IQGAP2: variants seen among roughly 807,000 people sequenced by gnomAD.
IQGAP2 encodes ras GTPase-activating-like protein IQGAP2.
IQGAP2 carries 173 observed loss-of-function variants against 201.3 expected under a neutral mutation model. That is an observed-to-expected ratio of 0.86 (90% CI 0.76 to 0.98). The LOEUF (loss-of-function observed/expected upper bound fraction) is 0.98, where lower values mean the gene tolerates loss of function less well. IQGAP2 is among the 50% of genes least tolerant of loss of function. IQGAP2 has a pLI of 0.00. For missense variants in IQGAP2, 1,687 were observed against 1,864.8 expected (o/e 0.90, Z 1.76); for synonymous variants, 675 against 673.9 (o/e 1.00, Z -0.03).
chr5:76,480,908 AAGT>A (rs1372020306), intron 2 of IQGAP2, among the ~76,000 whole-genome samples: 1 of 152,172 alleles, frequency 6.6e-6, no homozygotes, highest in Non-Finnish European at 1.5e-5. Context: ...TCCAAGATCA[AAGT>A]ACTGGTGGGT....
chr5:76,470,972 T>A (rs959217300), intron 2 of IQGAP2, among the ~76,000 whole-genome samples: 1 of 152,212 alleles, frequency 6.6e-6, no homozygotes, highest in African/African-American at 2.4e-5. Flanking sequence ...TCCAAAAGAA[T>A]TAGTACTGCT....
At chr5:76,656,337 G>T (rs1209403682) in intron 20 of IQGAP2, among the ~76,000 whole-genome samples, 1 of 151,700 alleles carries the variant, frequency 6.6e-6, no homozygotes, top group Non-Finnish European at 1.5e-5. Flanking sequence ...GCCCACCACC[G>T]CACCCAGCTA....
chr5:76,429,243 T>C (rs1234553789), intron 1 of IQGAP2, among the ~76,000 whole-genome samples: 2 of 152,088 alleles, frequency 1.3e-5, no homozygotes, highest in Non-Finnish European at 2.9e-5. Context: ...CATTTTTCTT[T>C]TTAGTTTTTA....
At chr5:76,617,852 G>A in intron 13 of IQGAP2, 1 of 1,614,072 alleles carries the variant, frequency 6.2e-7, no homozygotes, top group Non-Finnish European at 8.5e-7. Flanking sequence ...GTGTCCGGAT[G>A]ATGGCTGCAT....
chr5:76,526,079 G>T (rs548373329), intron 2 of IQGAP2, among the ~76,000 whole-genome samples: 1 of 152,206 alleles, frequency 6.6e-6, no homozygotes, highest in East Asian at 1.9e-4. Context: ...AGATCCCCTG[G>T]GTTAGAAGAA....
At chr5:76,683,045 AT>A in intron 28 of IQGAP2, 69 bp from the exon 29 acceptor site, 1 of 901,788 alleles carries the variant, frequency 1.1e-6, no homozygotes, top group Non-Finnish European at 1.7e-6. Context: ...ATTATGAAAA[AT>A]TTCATATAAA....
At chr5:76,612,077 T>C (rs77160763) in intron 13 of IQGAP2, among the ~76,000 whole-genome samples, 2,785 of 152,348 alleles carry the variant, frequency 0.018, 32 homozygotes, top group South Asian at 0.076. Context: ...TACTCATGTG[T>C]ATCATCTCAT....
intron 11 of IQGAP2, among the ~76,000 whole-genome samples, chr5:76,603,184 G>A (rs777121393): frequency 4.6e-5 from 7 of 152,074 alleles, no homozygotes; most frequent in East Asian, 1.9e-4. Flanking sequence ...GTTCCTATGC[G>A]TGGTCCTCTC....
At position 76,558,256 on chromosome 5, in the gene IQGAP2, T is replaced by C. The variant is rs184528535; in HGVS notation, c.147-4140T>C. On this transcript the variant is annotated intron_variant, in intron 2 of 35. Coordinates refer to ENST00000274364, the MANE Select transcript of IQGAP2 (RefSeq NM_006633.5). ...CCCCTTGCTCCCAATTGTCAACTTATCTCCCCCTACTCTTGCTACCAATTG... is the reference window on the plus strand; with the variant it reads ...CCCCTTGCTCCCAATTGTCAACTTACCTCCCCCTACTCTTGCTACCAATTG... Among the ~76,000 whole-genome samples the C allele has an allele frequency of 2.9e-4, 44 of 152,248 alleles. No homozygotes were observed. The East Asian group carries it at 7.3e-3, about 25-fold the overall frequency.
chr5:76,623,479 A>G, intron 13 of IQGAP2: 2 of 500,878 alleles, frequency 4.0e-6, no homozygotes, highest in Non-Finnish European at 7.1e-6. Context: ...CCCTGGAGAA[A>G]GGCATTTAAC....
chr5:76,419,990 C>T (rs1379055054), intron 1 of IQGAP2, among the ~76,000 whole-genome samples: 1 of 152,178 alleles, frequency 6.6e-6, no homozygotes, highest in African/African-American at 2.4e-5. Context: ...GTAAGTTTCT[C>T]GCATTGCCTT....
intron 2 of IQGAP2, among the ~76,000 whole-genome samples, chr5:76,501,706 G>A (rs1263758759): frequency 7.8e-6 from 1 of 127,600 alleles, no homozygotes. Context: ...GTAATGGCAC[G>A]ATCTCGGCTC....
At chr5:76,589,139 G>A (rs550562895) in intron 6 of IQGAP2, among the ~76,000 whole-genome samples, 166 bp downstream of exon 6, 9 of 150,004 alleles carry the variant, frequency 6.0e-5, no homozygotes, top group East Asian at 5.9e-4. Flanking sequence ...GTGAAACCCC[G>A]TCTCTACTAA....
At chr5:76,631,363 C>T (rs410262) in intron 14 of IQGAP2, among the ~76,000 whole-genome samples, 86,812 of 151,960 alleles carry the variant, frequency 0.57, 24,868 homozygotes, top group South Asian at 0.63. Flanking sequence ...TATCCACCAG[C>T]TCTGCCTTTC....
chr5:76,648,355 G>GC (rs1380255076), intron 17 of IQGAP2, among the ~76,000 whole-genome samples: 1 of 152,122 alleles, frequency 6.6e-6, no homozygotes, highest in Non-Finnish European at 1.5e-5. Context: ...ATGAGGCAGT[G>GC]CCCCCACTTT....
chr5:76,683,255 G>C, intron 29 of IQGAP2, 38 bp downstream of exon 29: 1 of 1,432,654 alleles, frequency 7.0e-7, no homozygotes, highest in Non-Finnish European at 9.7e-7. Flanking sequence ...CTTGGTTTTT[G>C]TTTAATTGGG....
intron 1 of IQGAP2, among the ~76,000 whole-genome samples, chr5:76,425,530 G>A (rs1415918527): frequency 1.3e-5 from 2 of 152,134 alleles, no homozygotes; most frequent in Non-Finnish European, 2.9e-5. Flanking sequence ...ACGGGGAAAG[G>A]ACTGAAAGGA....
chr5:76,418,206 CAAAAA>C (rs11329998), intron 1 of IQGAP2, among the ~76,000 whole-genome samples: 1 of 85,790 alleles, frequency 1.2e-5, no homozygotes, highest in Non-Finnish European at 2.2e-5. Flanking sequence ...GACTCCGTCT[CAAAAA>C]AAAAAAAAAA....
At chr5:76,554,436 C>T (rs1275269112) in intron 2 of IQGAP2, among the ~76,000 whole-genome samples, 2 of 152,068 alleles carry the variant, frequency 1.3e-5, no homozygotes, top group Non-Finnish European at 2.9e-5. Flanking sequence ...ATCTTGTATA[C>T]TGAATATGTA....
Sources: allele counts gnomAD v4.1 joint callset (sites outside exome capture counted in the v4.1 genomes callset), GRCh38; gene constraint gnomAD v4.1.1; transcripts MANE v1.5; gene names NCBI Gene and HGNC (gene_info 2026-07-23, HGNC 2026-07-21).